The following ADAP2 variants were observed in gnomAD, a reference collection of about 807,000 sequenced individuals.
ADAP2 encodes arf-GAP with dual PH domain-containing protein 2.
Under a neutral mutation model 54.9 loss-of-function variants are expected in ADAP2, and 42 were observed. The ratio of observed to expected loss-of-function variants is 0.77; its 90% CI spans 0.60 to 0.99. The LOEUF (loss-of-function observed/expected upper bound fraction) is 0.99. Ranked by LOEUF, ADAP2 falls within the 50% of genes least tolerant of loss-of-function variation. The probability of loss-of-function intolerance (pLI) is 0.00; values close to 1 mark genes in which losing one functional copy is unlikely to be tolerated. For synonymous variants in ADAP2, 177 were observed against 180.1 expected (o/e 0.98, Z 0.14); for missense variants, 429 against 480.4 (o/e 0.89, Z 1.00).
intron 2 of ADAP2, 111 bp downstream of exon 2, chr17:30,923,181 G>A: frequency 4.7e-6 from 6 of 1,282,280 alleles, no homozygotes; most frequent in Non-Finnish European, 5.6e-6. Context: ...AGAGGGGCAA[G>A]TCTAGCTAGA....
chr17:30,941,869 G>C (rs1203545649), intron 5 of ADAP2, among the ~76,000 whole-genome samples: 1 of 151,966 alleles, frequency 6.6e-6, no homozygotes, highest in Admixed American at 6.6e-5. Context: ...TATCTTGATT[G>C]TTGTGGTTAC....
chr17:30,947,376 C>T (rs1404514184), intron 6 of ADAP2, among the ~76,000 whole-genome samples: 1 of 151,936 alleles, frequency 6.6e-6, no homozygotes, highest in African/African-American at 2.4e-5. Context: ...TTTTTTGAGA[C>T]AGAGTCTCGC....
intron 10 of ADAP2, 68 bp from the exon 11 acceptor site, chr17:30,957,767 T>C: frequency 6.6e-7 from 1 of 1,513,568 alleles, no homozygotes. Flanking sequence ...GTCCCTTTGC[T>C]GTCCCTCTCC....
At chr17:30,952,144 A>G (rs1904705516) in intron 7 of ADAP2, among the ~76,000 whole-genome samples, 1 of 152,154 alleles carries the variant, frequency 6.6e-6, no homozygotes, top group Admixed American at 6.6e-5. Context: ...ATAGGAGGCC[A>G]TCATCAACCC....
intron 7 of ADAP2, among the ~76,000 whole-genome samples, chr17:30,950,707 A>T (rs1268751625): frequency 6.6e-6 from 1 of 152,122 alleles, no homozygotes; most frequent in Non-Finnish European, 1.5e-5. Flanking sequence ...AGGCCCAGGG[A>T]TGTGCTGAGA....
intron 2 of ADAP2, among the ~76,000 whole-genome samples, chr17:30,923,485 G>A (rs770027629): frequency 6.6e-6 from 1 of 151,294 alleles, no homozygotes; most frequent in Non-Finnish European, 1.5e-5. Context: ...CGCTGGTCTC[G>A]AACTCCTGAC....
intron 3 of ADAP2, 87 bp downstream of exon 3, chr17:30,927,005 T>A: frequency 9.5e-7 from 1 of 1,053,324 alleles, no homozygotes; most frequent in Non-Finnish European, 1.4e-6. Context: ...TCTTCATCTG[T>A]GGTGGTCTCT....
At chr17:30,927,336 A>G (rs1911130177) in intron 3 of ADAP2, among the ~76,000 whole-genome samples, 1 of 152,126 alleles carries the variant, frequency 6.6e-6, no homozygotes, top group Non-Finnish European at 1.5e-5. Context: ...AGAGCTGGCC[A>G]GGCACGGTGG....
chr17:30,957,994 T>G lies in ADAP2; in HGVS notation c.*125T>G. The G allele has an allele frequency of 1.1e-6, 1 of 929,470 alleles. No individual in the cohort carries two copies. The highest frequency in any genetic ancestry group is 1.7e-6 in the Non-Finnish European group (1 of 583,328). 57.6% of individuals were successfully genotyped at this position (929,470 alleles called of 1,614,324 possible). On this transcript the variant is annotated 3_prime_UTR_variant, in exon 11 of 11. Coordinates refer to ENST00000330889, the MANE Select transcript of ADAP2 (RefSeq NM_018404.3). ...TCAGCAGCCATTCCTGGCAGTGAAC[T>G]CTGCCAGGACTGAAGCTGTGGCTTT... is the stretch of plus-strand genomic sequence containing the variant.
At chr17:30,957,753 G>T in intron 10 of ADAP2, 82 bp from the exon 11 acceptor site, 3 of 1,400,244 alleles carry the variant, frequency 2.1e-6, no homozygotes, top group South Asian at 1.2e-5. Flanking sequence ...GTCTTTGTAC[G>T]CCTGTCCCTT....
At chr17:30,945,408 G>A (rs997485523) in intron 6 of ADAP2, among the ~76,000 whole-genome samples, 2 of 152,062 alleles carry the variant, frequency 1.3e-5, no homozygotes, top group Non-Finnish European at 2.9e-5. Context: ...AGTGCACCCC[G>A]GGACCCTGCT....
chr17:30,936,635 G>A (rs1355589687), intron 5 of ADAP2, among the ~76,000 whole-genome samples: 7 of 151,618 alleles, frequency 4.6e-5, no homozygotes, highest in Non-Finnish European at 1.0e-4. Flanking sequence ...TTCCCATATT[G>A]GCCGGGCGCG....
intron 3 of ADAP2, 107 bp downstream of exon 3, chr17:30,927,025 C>A: frequency 1.2e-6 from 1 of 844,998 alleles, no homozygotes; most frequent in Non-Finnish European, 1.9e-6. Context: ...TTCTATGGGC[C>A]TGGTGCGCAG....
Position 30,931,638 on chromosome 17 carries a change from T to C in ADAP2, c.318-251T>C, listed in dbSNP as rs141920509. Among the ~76,000 whole-genome samples the C allele has an allele frequency of 2.2e-4, 33 of 151,978 alleles. 1 individual carries two copies. In the East Asian group the frequency reaches 6.2e-3, roughly 29 times the overall value. ...GAGTTCAAGACCAGCTTAGGCAACA[T>C]AGGGAGACCCCCATCTCTACAAAAA... On this transcript the variant is annotated intron_variant, in intron 3 of 10. Coordinates refer to ENST00000330889, the MANE Select transcript of ADAP2 (RefSeq NM_018404.3).
chr17:30,926,151 G>A (rs1327030127), intron 2 of ADAP2, among the ~76,000 whole-genome samples: 1 of 152,208 alleles, frequency 6.6e-6, no homozygotes, highest in African/African-American at 2.4e-5. Flanking sequence ...GGCCCCTGCA[G>A]AGGAGAAGAG....
chr17:30,934,006 C>T (rs1911689206), intron 4 of ADAP2, among the ~76,000 whole-genome samples, 179 bp from the exon 5 acceptor site: 1 of 152,174 alleles, frequency 6.6e-6, no homozygotes, highest in Non-Finnish European at 1.5e-5. Context: ...GAAAAGACAT[C>T]ACAAAGTTGG....
chr17:30,925,339 G>A (rs1306902819), intron 2 of ADAP2, among the ~76,000 whole-genome samples: 2 of 149,598 alleles, frequency 1.3e-5, no homozygotes, highest in Non-Finnish European at 3.0e-5. Context: ...ACAGGCGCCC[G>A]CCACCATGCC....
At chr17:30,925,614 C>T (rs568948681) in intron 2 of ADAP2, among the ~76,000 whole-genome samples, 32 of 140,492 alleles carry the variant, frequency 2.3e-4, no homozygotes, top group East Asian at 2.2e-4. Flanking sequence ...TTTTTTGAGA[C>T]GGAGTCTCAC....
intron 5 of ADAP2, 69 bp from the exon 6 acceptor site, chr17:30,944,838 C>G: frequency 6.7e-7 from 1 of 1,499,618 alleles, no homozygotes; most frequent in South Asian, 1.2e-5. Flanking sequence ...GCATGAAGGC[C>G]TTGGTGAAGG....
Sources: allele counts gnomAD v4.1 joint callset (sites outside exome capture counted in the v4.1 genomes callset), GRCh38; gene constraint gnomAD v4.1.1; transcripts MANE v1.5; gene names NCBI Gene and HGNC (gene_info 2026-07-23, HGNC 2026-07-21).